The following FBXL17 variants were observed in gnomAD, a reference collection of about 807,000 sequenced individuals.
FBXL17 encodes F-box/LRR-repeat protein 17.
A neutral mutation model predicts 66.2 loss-of-function variants in FBXL17; 22 were observed. The observed-to-expected ratio is 0.33, with a 90% CI of 0.24 to 0.47. The LOEUF is 0.47. FBXL17 is among the 20% of genes least tolerant of loss of function. The pLI is 1.00. For synonymous variants in FBXL17, 474 were observed against 400.5 expected, an observed-to-expected ratio of 1.18 and a Z score of -2.19; for missense variants, 878 against 948.2, an observed-to-expected ratio of 0.93 and a Z score of 0.97.
At chr5:108,172,097 C>T (rs544369823) in intron 6 of FBXL17, among the ~76,000 whole-genome samples, 3 of 152,278 alleles carry the variant, frequency 2.0e-5, no homozygotes, top group South Asian at 2.1e-4. Flanking sequence ...CCAACAGCAG[C>T]GTGAAAACAG....
intron 6 of FBXL17, among the ~76,000 whole-genome samples, chr5:108,024,734 T>C (rs888526819): frequency 1.3e-5 from 2 of 152,190 alleles, no homozygotes; most frequent in Non-Finnish European, 2.9e-5. Context: ...TTATTTTTGA[T>C]AATAATGTAA....
intron 7 of FBXL17, among the ~76,000 whole-genome samples, chr5:107,901,477 C>A (rs1451738569): frequency 6.6e-6 from 1 of 152,154 alleles, no homozygotes; most frequent in Non-Finnish European, 1.5e-5. Flanking sequence ...TAGTAAGAAG[C>A]TGTGCTCAGA....
At chr5:108,104,903 G>A (rs1398405663) in intron 6 of FBXL17, among the ~76,000 whole-genome samples, 3 of 152,086 alleles carry the variant, frequency 2.0e-5, no homozygotes, top group African/African-American at 7.2e-5. Flanking sequence ...GTGCAGTGGT[G>A]CCATCTCGGC....
In FBXL17 at chr5:108,276,564, A is replaced by G. The variant is rs556414665; in HGVS notation, c.1507-52336T>C. Among the ~76,000 whole-genome samples, 7 of 152,242 alleles carry G rather than the reference A, an allele frequency of 4.6e-5. No homozygotes were observed. The East Asian group carries it at 7.7e-4, about 17-fold the overall frequency. On this transcript the variant is annotated intron_variant, in intron 4 of 8. Transcript: ENST00000542267. ...CTACCACCAGGATTTTTATCCTTCT[A>G]TTTATAATGATCTCTGACAAGCTAC...
At chr5:108,272,095 C>G (rs935008751) in intron 4 of FBXL17, among the ~76,000 whole-genome samples, 1 of 152,056 alleles carries the variant, frequency 6.6e-6, no homozygotes, top group Admixed American at 6.6e-5. Flanking sequence ...TCGAGACCAT[C>G]CTGGCTAACA....
rs150021364 is a variant in FBXL17, at chr5:107,981,456, G to A, written c.1822+39469C>T. Among the ~76,000 whole-genome samples the A allele has an allele frequency of 5.0e-3, 755 of 152,294 alleles. 4 individuals carry two copies. The highest frequency in any genetic ancestry group is 0.018 in the African/African-American group (732 of 41,558). ...TTCCACAGCATACAGATTTTGCTAG[G>A]GGAGTAGCCCCTTATTGGAGCAGAA... On this transcript the variant is annotated intron_variant, in intron 7 of 8. Transcript: ENST00000542267.
At chr5:108,337,461 C>T (rs1468787176) in intron 4 of FBXL17, among the ~76,000 whole-genome samples, 4 of 152,046 alleles carry the variant, frequency 2.6e-5, no homozygotes, top group African/African-American at 9.7e-5. Flanking sequence ...CAAACGATCT[C>T]ATTCTTATTC....
chr5:108,027,837 C>T (rs2112778635), intron 6 of FBXL17, among the ~76,000 whole-genome samples: 1 of 152,174 alleles, frequency 6.6e-6, no homozygotes, highest in African/African-American at 2.4e-5. Flanking sequence ...CCAGTTTATT[C>T]ATTCTTCGGT....
chr5:108,375,243 G>A (rs1749338679), intron 1 of FBXL17, among the ~76,000 whole-genome samples: 1 of 151,976 alleles, frequency 6.6e-6, no homozygotes, highest in East Asian at 1.9e-4. Flanking sequence ...TGTGCACCCA[G>A]CTACTCAGGA....
chr5:108,318,378 G>A (rs1335939430), intron 4 of FBXL17, among the ~76,000 whole-genome samples: 2 of 151,498 alleles, frequency 1.3e-5, no homozygotes, highest in African/African-American at 4.8e-5. Flanking sequence ...TGTGCTATAT[G>A]TTACTATATT....
At chr5:107,961,284 G>A (rs1751896622) in intron 7 of FBXL17, among the ~76,000 whole-genome samples, 1 of 151,388 alleles carries the variant, frequency 6.6e-6, no homozygotes, top group South Asian at 2.1e-4. Context: ...GAGTGCACTG[G>A]TGCAATCTTG....
intron 4 of FBXL17, among the ~76,000 whole-genome samples, chr5:108,304,359 G>C (rs1325406039): frequency 1.3e-5 from 2 of 151,568 alleles, no homozygotes. Context: ...CAACCCAGAA[G>C]GTTTATTCAA....
chr5:108,370,551 TG>T (rs1435944705), intron 1 of FBXL17, among the ~76,000 whole-genome samples: 1 of 152,156 alleles, frequency 6.6e-6, no homozygotes, highest in African/African-American at 2.4e-5. Flanking sequence ...AAGACCAGCC[TG>T]GCCAATATGG....
intron 6 of FBXL17, among the ~76,000 whole-genome samples, chr5:108,179,769 C>T (rs752553786): frequency 2.0e-5 from 3 of 152,130 alleles, no homozygotes; most frequent in Admixed American, 6.6e-5. Flanking sequence ...GACTAACATG[C>T]CAGTGCCTGA....
chr5:108,042,200 T>G (rs922991009), intron 6 of FBXL17, among the ~76,000 whole-genome samples: 2 of 152,194 alleles, frequency 1.3e-5, no homozygotes, highest in African/African-American at 4.8e-5. Flanking sequence ...GGCCTTCAGT[T>G]TTTTATCAAA....
intron 7 of FBXL17, among the ~76,000 whole-genome samples, chr5:108,010,466 G>C (rs1754132470): frequency 6.6e-6 from 1 of 152,054 alleles, no homozygotes; most frequent in Non-Finnish European, 1.5e-5. Flanking sequence ...TGTGTGGAGG[G>C]GCTGACTTTG....
rs78807431 is a variant in FBXL17 at position 107,916,235 on chromosome 5, T to A, written c.1823-35056A>T. On this transcript the variant is annotated intron_variant, in intron 7 of 8. Coordinates refer to ENST00000542267, the MANE Select transcript of FBXL17 (RefSeq NM_001163315.3). ...TCAATCCTTTGTTTTCACAAGGTTT[T>A]ATGAAATGTAAGGCCATCTAAACAT... 2.0e-5 allele frequency among the ~76,000 whole-genome samples: 3 copies of A among 152,348 alleles called. No individual in the cohort carries two copies. In the East Asian group the frequency reaches 5.8e-4, roughly 29 times the overall value.
chr5:108,089,928 A>G (rs554621547), intron 6 of FBXL17, among the ~76,000 whole-genome samples: 5 of 152,262 alleles, frequency 3.3e-5, no homozygotes, highest in Non-Finnish European at 4.4e-5. Context: ...CCTGGGCTCA[A>G]GCAATCTTCC....
chr5:108,129,173 G>C (rs986536465), intron 6 of FBXL17, among the ~76,000 whole-genome samples: 1 of 152,036 alleles, frequency 6.6e-6, no homozygotes, highest in African/African-American at 2.4e-5. Context: ...CATCCTGATG[G>C]AGCACGTGAA....
Sources: gnomAD v4.1 joint callset for allele counts (sites outside exome capture counted in the v4.1 genomes callset) on GRCh38, gnomAD v4.1.1 for gene constraint, MANE v1.5 for transcripts, NCBI Gene and HGNC (gene_info 2026-07-23, HGNC 2026-07-21) for gene names.